Variants in FBXL7 observed in about 807,000 individuals in gnomAD.
FBXL7 encodes the protein F-box and leucine rich repeat protein 7.
Under a neutral mutation model 38.3 loss-of-function variants are expected in FBXL7, and 12 were observed. That is an observed-to-expected ratio of 0.31 (90% confidence interval 0.20 to 0.51). FBXL7 has a LOEUF of 0.51. Ranked by LOEUF, FBXL7 falls within the 20% of genes least tolerant of loss-of-function variation. The pLI, the probability that FBXL7 is intolerant of heterozygous loss-of-function variation, is 0.98. For synonymous variants in FBXL7, 297 were observed against 300.9 expected (o/e 0.99, Z 0.13); for missense variants, 567 against 676.4 (o/e 0.84, Z 1.79).
At chr5:15,814,185 C>G (rs1187147691) in intron 2 of FBXL7, among the ~76,000 whole-genome samples, 1 of 152,120 alleles carries the variant, frequency 6.6e-6, no homozygotes, top group African/African-American at 2.4e-5. Flanking sequence ...CCCAAATGCC[C>G]ATCAATGATA....
chr5:15,716,227 A>G (rs1464262090), intron 2 of FBXL7, among the ~76,000 whole-genome samples: 2 of 152,236 alleles, frequency 1.3e-5, no homozygotes, highest in Non-Finnish European at 2.9e-5. Flanking sequence ...AGATTTGCTT[A>G]GCAGATGACA....
intron 2 of FBXL7, among the ~76,000 whole-genome samples, chr5:15,809,350 A>G (rs1264336156): frequency 2.0e-5 from 3 of 152,212 alleles, no homozygotes; most frequent in Non-Finnish European, 4.4e-5. Flanking sequence ...TTAAAAGCAC[A>G]GAACCCGGGA....
chr5:15,589,062 GCTAA>G (rs1392446189), intron 1 of FBXL7, among the ~76,000 whole-genome samples: 1 of 151,912 alleles, frequency 6.6e-6, no homozygotes, highest in Admixed American at 6.5e-5. Context: ...TACAAAGTAT[GCTAA>G]CTGAGAAAGA....
intron 2 of FBXL7, among the ~76,000 whole-genome samples, chr5:15,751,385 A>G (rs2126685940): frequency 6.6e-6 from 1 of 152,284 alleles, no homozygotes; most frequent in African/African-American, 2.4e-5. Flanking sequence ...GTAAACATGG[A>G]GGTTTAGATG....
In FBXL7 at chr5:15,936,345, T is replaced by C; in HGVS notation, c.740-105T>C. The C allele has an allele frequency of 7.1e-7, 1 of 1,400,282 alleles. No individual in the cohort carries two copies. The highest frequency in any genetic ancestry group is 9.6e-7 in the Non-Finnish European group (1 of 1,045,058). 86.7% of individuals were successfully genotyped at this position (1,400,282 alleles called of 1,614,324 possible). ...AAGACAGGAAAGGGTAACATCAGCCTCGGACCCAGACTTGGGCGAGGGTCA... is the reference window on the plus strand; with the variant it reads ...AAGACAGGAAAGGGTAACATCAGCCCCGGACCCAGACTTGGGCGAGGGTCA... On this transcript the variant is annotated intron_variant, in intron 3 of 3. Coordinates refer to ENST00000504595, the MANE Select transcript of FBXL7 (RefSeq NM_012304.5). The surrounding 1 kb of genome is among the most constrained non-coding windows in gnomAD (Gnocchi z 6.0).
At position 15,936,664 on chromosome 5, in the gene FBXL7, C is replaced by T; in HGVS notation, c.954C>T (p.Tyr318=). Residue 318 remains tyrosine, a synonymous_variant, in exon 4 of 4, where the codon TAC becomes TAT. Coordinates refer to ENST00000504595, the MANE Select transcript of FBXL7 (RefSeq NM_012304.5). The surrounding 1 kb of genome is among the most constrained non-coding windows in gnomAD (Gnocchi z 6.0). ...GCCTGACCGACGAAGGCCTGCGCTACCTGGTGATCTACTGCGCCTCCATCA... is the reference window on the plus strand; with the variant it reads ...GCCTGACCGACGAAGGCCTGCGCTATCTGGTGATCTACTGCGCCTCCATCA... ...CVRLTDEGLR[Y]LVIYCASIKE... is the part of the protein sequence containing the mutation. 1 of 1,608,528 alleles carries T rather than the reference C, an allele frequency of 6.2e-7. No homozygotes were observed. Among genetic ancestry groups the T allele is most frequent in the Non-Finnish European group, 8.5e-7 (1 of 1,179,722 alleles).
At chr5:15,526,269 G>T (rs1235043251) in intron 1 of FBXL7, among the ~76,000 whole-genome samples, 1 of 152,098 alleles carries the variant, frequency 6.6e-6, no homozygotes, top group East Asian at 1.9e-4. Flanking sequence ...TGGCAGGGTT[G>T]GTGGGCTGGC....
intron 2 of FBXL7, among the ~76,000 whole-genome samples, chr5:15,818,257 A>G (rs1738073510): frequency 6.6e-6 from 1 of 152,172 alleles, no homozygotes; most frequent in African/African-American, 2.4e-5. Flanking sequence ...GACGCTAGAG[A>G]TACAGTGGCT....
chr5:15,522,626 C>T (rs544366118), intron 1 of FBXL7, among the ~76,000 whole-genome samples: 49 of 152,326 alleles, frequency 3.2e-4, no homozygotes, highest in African/African-American at 1.1e-3. Flanking sequence ...ATTAGTTAGC[C>T]TGATTGCTGC....
intron 2 of FBXL7, among the ~76,000 whole-genome samples, chr5:15,789,288 G>A (rs2126729173): frequency 6.6e-6 from 1 of 152,162 alleles, no homozygotes; most frequent in Middle Eastern, 3.4e-3. Context: ...CTCACCCTCT[G>A]CCAGACCAGC....
At chr5:15,744,475 A>G (rs1735964962) in intron 2 of FBXL7, among the ~76,000 whole-genome samples, 1 of 152,084 alleles carries the variant, frequency 6.6e-6, no homozygotes, top group African/African-American at 2.4e-5. Flanking sequence ...CATTTTGTTC[A>G]AGACCATTCA....
At chr5:15,761,282 A>T (rs574108096) in intron 2 of FBXL7, among the ~76,000 whole-genome samples, 1 of 152,136 alleles carries the variant, frequency 6.6e-6, no homozygotes, top group Non-Finnish European at 1.5e-5. Context: ...ATAATTGTTT[A>T]TGGCTGTCTT....
At chr5:15,829,250 T>TGTG (rs552489882) in intron 2 of FBXL7, among the ~76,000 whole-genome samples, 179 of 152,194 alleles carry the variant, frequency 1.2e-3, no homozygotes, top group Non-Finnish European at 2.1e-3. Context: ...TAATTGTCTT[T>TGTG]GTGGTGGTGG....
chr5:15,571,758 T>C (rs2126453545), intron 1 of FBXL7, among the ~76,000 whole-genome samples: 1 of 152,168 alleles, frequency 6.6e-6, no homozygotes, highest in South Asian at 2.1e-4. Flanking sequence ...CAGTCACTGG[T>C]GGACATGTGC....
chr5:15,923,390 T>G (rs1212938570), intron 2 of FBXL7, among the ~76,000 whole-genome samples: 1 of 152,224 alleles, frequency 6.6e-6, no homozygotes, highest in Non-Finnish European at 1.5e-5. Context: ...TAGAGACATA[T>G]TCTGGTACTC....
intron 1 of FBXL7, among the ~76,000 whole-genome samples, chr5:15,613,970 A>G (rs1740351460): frequency 6.6e-6 from 1 of 152,134 alleles, no homozygotes; most frequent in African/African-American, 2.4e-5. Flanking sequence ...GAAGGGGGCA[A>G]GGAAGCTCTG....
intron 2 of FBXL7, among the ~76,000 whole-genome samples, chr5:15,827,413 A>C (rs1738345836): frequency 6.6e-6 from 1 of 152,220 alleles, no homozygotes; most frequent in Admixed American, 6.5e-5. Context: ...TAGCAGGTCA[A>C]ATCATCAGCT....
chr5:15,562,751 A>G (rs909471078), intron 1 of FBXL7, among the ~76,000 whole-genome samples: 1 of 151,662 alleles, frequency 6.6e-6, no homozygotes, highest in African/African-American at 2.4e-5. Context: ...TCTTTCACAC[A>G]TATTTATTGC....
intron 2 of FBXL7, among the ~76,000 whole-genome samples, chr5:15,803,330 A>G (rs979801864): frequency 3.9e-5 from 6 of 152,134 alleles, no homozygotes; most frequent in African/African-American, 7.2e-5. Context: ...TTCTTCTTCA[A>G]TATAACATTG....
Sources: gnomAD v4.1 joint callset for allele counts (sites outside exome capture counted in the v4.1 genomes callset) on GRCh38, gnomAD v4.1.1 for gene constraint, Gnocchi (gnomAD v3.1) non-coding constraint, MANE v1.5 for transcripts, NCBI Gene and HGNC (gene_info 2026-07-23, HGNC 2026-07-21) for gene names.